CECR2: variants seen among roughly 807,000 people sequenced by gnomAD.
The protein encoded by CECR2 is CECR2 histone acetyl-lysine reader.
Under a neutral mutation model 154.5 loss-of-function variants are expected in CECR2, and 30 were observed. The ratio of observed to expected loss-of-function variants is 0.19; its 90% confidence interval spans 0.15 to 0.26. The LOEUF (loss-of-function observed/expected upper bound fraction) is 0.26, where lower values mean the gene tolerates loss of function less well. Among genes scored for constraint, CECR2 ranks in the 10% least tolerant of loss-of-function variants. The pLI is 1.00. For synonymous variants in CECR2, 725 were observed against 683.7 expected (o/e 1.06, Z -0.94); for missense variants, 1,743 against 1,829.3 (o/e 0.95, Z 0.86).
chr22:17,462,898 C>T (rs573623782), intron 1 of CECR2, among the ~76,000 whole-genome samples: 29 of 152,164 alleles, frequency 1.9e-4, no homozygotes, highest in Non-Finnish European at 3.1e-4. Flanking sequence ...GGCAACAGAT[C>T]GAGACTCCGT....
chr22:17,537,415 G>A (rs1321806200), intron 10 of CECR2, among the ~76,000 whole-genome samples, 183 bp downstream of exon 10: 1 of 152,136 alleles, frequency 6.6e-6, no homozygotes, highest in Non-Finnish European at 1.5e-5. Context: ...TGACACTCTT[G>A]CTGCCACACT....
At chr22:17,427,501 G>A (rs1023503774) in intron 1 of CECR2, among the ~76,000 whole-genome samples, 3 of 152,124 alleles carry the variant, frequency 2.0e-5, no homozygotes, top group African/African-American at 7.2e-5. Flanking sequence ...AGCTCTTAAA[G>A]GTGGCGCGTC....
chr22:17,385,278 G>T (rs2063245212), intron 1 of CECR2, among the ~76,000 whole-genome samples: 1 of 152,154 alleles, frequency 6.6e-6, no homozygotes, highest in Admixed American at 6.5e-5. Flanking sequence ...TGGCTCAAGA[G>T]GCCTAGCTTT....
At chr22:17,509,833 T>G (rs768704470) in intron 7 of CECR2, among the ~76,000 whole-genome samples, 2 of 152,190 alleles carry the variant, frequency 1.3e-5, no homozygotes, top group Non-Finnish European at 2.9e-5. Context: ...ATAAAGGCAA[T>G]AATGGATGAC....
At chr22:17,365,719 C>G (rs1437613838), upstream of CECR2, among the ~76,000 whole-genome samples, 2 of 151,306 alleles carry the variant, frequency 1.3e-5, no homozygotes, top group African/African-American at 4.9e-5. Context: ...CAAACAAAAA[C>G]AAACAAAAAA....
At chr22:17,491,487 G>C (rs1229081613) in intron 2 of CECR2, among the ~76,000 whole-genome samples, 1 of 146,836 alleles carries the variant, frequency 6.8e-6, no homozygotes, top group African/African-American at 2.5e-5. Flanking sequence ...TTGTTCCTTT[G>C]TTGGTCCTTT....
intron 1 of CECR2, among the ~76,000 whole-genome samples, chr22:17,404,981 CCT>C (rs996483051): frequency 2.6e-5 from 4 of 151,876 alleles, no homozygotes; most frequent in East Asian, 3.9e-4. Flanking sequence ...GATGATGGTA[CCT>C]CTCTCTCTCT....
Position 17,495,840 on chromosome 22 carries a change from T to C in CECR2, c.222-1563T>C, listed in dbSNP as rs1368607195. 8.5e-5 allele frequency among the ~76,000 whole-genome samples: 10 copies of C among 117,600 alleles called. No homozygotes were observed. The South Asian group carries it at 1.6e-3, about 19-fold the overall frequency. The allele number at this position is 117,600 out of a possible 152,430, so 77.2% of individuals were successfully genotyped here. ...TCGCACCACTGCACTCCAGCCTGGG[T>C]GACAGAGCAAGACTCTGTCTCAAAA... is the stretch of plus-strand genomic sequence containing the variant. On this transcript the variant is annotated intron_variant, in intron 2 of 18. Transcript: ENST00000262608.
At chr22:17,369,166 G>C (rs2063022953), upstream of CECR2, among the ~76,000 whole-genome samples, 1 of 151,752 alleles carries the variant, frequency 6.6e-6, no homozygotes, top group South Asian at 2.1e-4. Flanking sequence ...GTGGGGGTGG[G>C]AGAGCTCCTG....
At chr22:17,497,166 A>G (rs1208133152) in intron 2 of CECR2, among the ~76,000 whole-genome samples, 5 of 152,034 alleles carry the variant, frequency 3.3e-5, no homozygotes, top group African/African-American at 7.2e-5. Flanking sequence ...GTGGTGGTGC[A>G]TGCCTGTGGT....
chr22:17,503,863 A>G (rs953284857), intron 6 of CECR2, among the ~76,000 whole-genome samples: 1 of 151,830 alleles, frequency 6.6e-6, no homozygotes, highest in Non-Finnish European at 1.5e-5. Flanking sequence ...CCTGGCCAAC[A>G]TTGTGAAACC....
At chr22:17,510,161 A>C (rs1034654075) in intron 7 of CECR2, among the ~76,000 whole-genome samples, 1 of 152,226 alleles carries the variant, frequency 6.6e-6, no homozygotes, top group African/African-American at 2.4e-5. Context: ...CTGTATCAAG[A>C]ATAGCATTTT....
At chr22:17,388,937 C>T (rs1377873821) in intron 1 of CECR2, among the ~76,000 whole-genome samples, 7 of 152,002 alleles carry the variant, frequency 4.6e-5, no homozygotes, top group African/African-American at 1.5e-4. Context: ...TTCAGCCTCT[C>T]GAGTAGCTGG....
At chr22:17,453,791 G>A (rs117681149) in intron 1 of CECR2, among the ~76,000 whole-genome samples, 3,674 of 152,282 alleles carry the variant, frequency 0.024, 54 homozygotes, top group Non-Finnish European at 0.038. Flanking sequence ...TCATGTAAGA[G>A]TTGTGTCTGG....
rs968283642 is a variant in CECR2 at position 17,389,871 on chromosome 22, G to T, written c.126+19962G>T. The stretch of plus-strand genomic sequence containing the variant: ...TTGAACTCCTGACCTCAGATGATCC[G>T]CCCACCTCGGCGTCCCAAAATGCTG... On this transcript the variant is annotated intron_variant, in intron 1 of 18. Transcript: ENST00000262608. Among the ~76,000 whole-genome samples the T allele has an allele frequency of 3.9e-5, 6 of 151,916 alleles. No homozygotes were observed. In the East Asian group the frequency reaches 5.8e-4, roughly 15 times the overall value.
intron 9 of CECR2, among the ~76,000 whole-genome samples, chr22:17,529,982 A>G (rs1346687078): frequency 6.6e-6 from 1 of 152,202 alleles, no homozygotes; most frequent in African/African-American, 2.4e-5. Flanking sequence ...TTTGTGTGAC[A>G]TTCTAAGCGG....
chr22:17,466,576 C>A (rs2055035958), intron 1 of CECR2, among the ~76,000 whole-genome samples: 2 of 149,500 alleles, frequency 1.3e-5, no homozygotes, highest in Non-Finnish European at 3.0e-5. Flanking sequence ...ATGGTAACCA[C>A]TATTGTTACT....
Position 17,557,746 on chromosome 22 carries a change from C to A in CECR2, c.*4906C>A. 1 of 151,672 alleles carries A rather than the reference C, an allele frequency of 6.6e-6. No homozygotes were observed. Among genetic ancestry groups the A allele is most frequent in the Non-Finnish European group, 1.5e-5 (1 of 67,766 alleles). 9.4% of individuals were successfully genotyped at this position (151,672 alleles called of 1,614,324 possible). ...CCCCCGTTCAGGAAACCATGCAGCC[C>A]CTTCCCTTCCCTTCCCTTCCCTTCC... On this transcript the variant is annotated 3_prime_UTR_variant, in exon 19 of 19. Coordinates refer to ENST00000262608, the MANE Select transcript of CECR2 (RefSeq NM_001290047.2).
chr22:17,525,628 GC>G (rs2056251931), intron 9 of CECR2, among the ~76,000 whole-genome samples: 1 of 152,150 alleles, frequency 6.6e-6, no homozygotes. Context: ...AACCCTTAGT[GC>G]ATATAATCTA....
Sources: allele counts gnomAD v4.1 joint callset (sites outside exome capture counted in the v4.1 genomes callset), GRCh38; gene constraint gnomAD v4.1.1; transcripts MANE v1.5; gene names NCBI Gene and HGNC (gene_info 2026-07-23, HGNC 2026-07-21).